Variants in C5orf47 observed in about 807,000 individuals in gnomAD.
The protein encoded by C5orf47 is uncharacterized protein C5orf47.
A neutral mutation model predicts 20.6 loss-of-function variants in C5orf47; 20 were observed. That is an observed-to-expected ratio of 0.97 (90% CI 0.68 to 1.41). C5orf47 has a LOEUF of 1.41. Ranked by LOEUF, C5orf47 falls within the 40% of genes most tolerant of loss-of-function variation. The pLI is 0.00. For synonymous variants in C5orf47, 106 were observed against 97.3 expected (o/e 1.09, Z -0.53); for missense variants, 262 against 238.4 (o/e 1.10, Z -0.65).
intron 2 of C5orf47, among the ~76,000 whole-genome samples, chr5:173,999,371 T>C (rs1759156069): frequency 6.6e-6 from 1 of 152,174 alleles, no homozygotes; most frequent in South Asian, 2.1e-4. Context: ...AAATTCACAA[T>C]TTTTTAAAAT....
chr5:173,995,262 C>T (rs576646423), intron 1 of C5orf47, among the ~76,000 whole-genome samples: 1 of 152,304 alleles, frequency 6.6e-6, no homozygotes, highest in East Asian at 1.9e-4. Flanking sequence ...GACAAGTAGT[C>T]TGCTCTCGAG....
Position 173,989,388 on chromosome 5 carries a change from G to A in C5orf47, c.125G>A (p.Gly42Asp). Residue 42 changes from glycine (G) to aspartate (D), a missense_variant, in exon 1 of 5, where the codon GGT (glycine) becomes GAT (aspartate). Physicochemically the swap from Gly to Asp is moderately conservative, Grantham distance 94. Transcript: ENST00000340147. ...LGGRGAQGLW[G>D]QGPGAGCRQE... ...GGCCGTGGAGCTCAAGGCCTTTGGG[G>A]TCAGGGGCCTGGGGCAGGCTGTCGC... 6.5e-7 allele frequency: 1 copy of A among 1,541,110 alleles called. No homozygotes were observed. The highest frequency in any genetic ancestry group is 8.8e-7 in the Non-Finnish European group (1 of 1,141,814).
chr5:173,998,041 C>A, intron 1 of C5orf47, 112 bp from the exon 2 acceptor site: 1 of 655,512 alleles, frequency 1.5e-6, no homozygotes, highest in Non-Finnish European at 2.7e-6. Context: ...AGAAATATAC[C>A]AACAAGTATA....
chr5:173,989,732 GA>G, intron 1 of C5orf47, 144 bp downstream of exon 1: 1 of 718,270 alleles, frequency 1.4e-6, no homozygotes, highest in South Asian at 3.1e-5. Context: ...GCGCAGGGGC[GA>G]AGGAGAAGCC....
intron 1 of C5orf47, among the ~76,000 whole-genome samples, chr5:173,989,826 G>GC (rs1011067100): frequency 1.3e-5 from 2 of 152,222 alleles, no homozygotes; most frequent in African/African-American, 2.4e-5. Flanking sequence ...AGCCTTTACG[G>GC]CCCCCTCACG....
intron 1 of C5orf47, among the ~76,000 whole-genome samples, chr5:173,996,140 T>G (rs533140231): frequency 3.3e-5 from 5 of 152,180 alleles, no homozygotes; most frequent in Non-Finnish European, 7.4e-5. Context: ...CCATGAGATT[T>G]ACACATGGGG....
downstream of C5orf47, among the ~76,000 whole-genome samples, chr5:174,006,544 T>C (rs1185939518): frequency 1.3e-5 from 2 of 152,306 alleles, no homozygotes; most frequent in Middle Eastern, 3.4e-3. Context: ...TATTTTTACA[T>C]CCAATATAAG....
intron 1 of C5orf47, among the ~76,000 whole-genome samples, chr5:173,993,457 A>C (rs1464047470): frequency 6.6e-6 from 1 of 152,210 alleles, no homozygotes; most frequent in East Asian, 1.9e-4. Context: ...CCTGGCCAAC[A>C]TGGTGAAACC....
intron 1 of C5orf47, among the ~76,000 whole-genome samples, chr5:173,994,874 T>C (rs1266059090): frequency 6.6e-6 from 1 of 152,156 alleles, no homozygotes; most frequent in East Asian, 1.9e-4. Flanking sequence ...AGTGCAGTGG[T>C]GTGATCTCGG....
At chr5:173,989,920 C>T (rs545824960) in intron 1 of C5orf47, among the ~76,000 whole-genome samples, 4 of 152,278 alleles carry the variant, frequency 2.6e-5, no homozygotes, top group Non-Finnish European at 1.5e-5. Flanking sequence ...GATTGACTTC[C>T]GGATGCTGTT....
At position 173,989,463 on chromosome 5, in the gene C5orf47, G is replaced by A. The variant is rs1758938758; in HGVS notation, c.200G>A (p.Ser67Asn). 1.3e-6 allele frequency: 2 copies of A among 1,549,600 alleles called. No individual in the cohort carries two copies. Among genetic ancestry groups the A allele is most frequent in the Non-Finnish European group, 1.7e-6 (2 of 1,146,166 alleles). ...AMAVAGVQGG[S>N]ELPLGSQLRV... ...GCGGTGGCGGGCGTTCAGGGTGGCA[G>A]CGAGCTGCCCCTCGGTTCCCAGCTC... The change falls in exon 1 of 5, where the codon AGC becomes AAC. Residue 67 changes from serine (S) to asparagine (N), a missense_variant. Coordinates refer to ENST00000340147, the MANE Select transcript of C5orf47 (RefSeq NM_001144954.2).
At chr5:174,009,264 A>G (rs757061160), downstream of C5orf47, among the ~76,000 whole-genome samples, 1 of 147,144 alleles carries the variant, frequency 6.8e-6, no homozygotes, top group Non-Finnish European at 1.5e-5. Context: ...AAATTAAGAA[A>G]ACGGAATGAT....
Position 173,989,477 on chromosome 5 carries a change from G to A in C5orf47, c.214G>A (p.Gly72Ser), listed in dbSNP as rs1232086317. 7 of 1,548,792 alleles carry A rather than the reference G, an allele frequency of 4.5e-6. No individual in the cohort carries two copies. The highest frequency in any genetic ancestry group is 1.2e-5 in the South Asian group (1 of 83,702). The change falls in exon 1 of 5, where the codon GGT (glycine) becomes AGT (serine). Residue 72 changes from glycine to serine, a missense_variant. Coordinates refer to ENST00000340147, the MANE Select transcript of C5orf47 (RefSeq NM_001144954.2). ...TCAGGGTGGCAGCGAGCTGCCCCTC[G>A]GTTCCCAGCTCAGGGTCCCCACGAC... ...GVQGGSELPL[G>S]SQLRVPTTPG... is the part of the protein sequence containing the mutation.
At chr5:173,993,475 T>C (rs1206061554) in intron 1 of C5orf47, among the ~76,000 whole-genome samples, 1 of 152,128 alleles carries the variant, frequency 6.6e-6, no homozygotes, top group Non-Finnish European at 1.5e-5. Flanking sequence ...ACCCCATCTT[T>C]GCCAAAAATA....
intron 1 of C5orf47, among the ~76,000 whole-genome samples, chr5:173,992,230 T>G (rs1179725793): frequency 2.8e-5 from 4 of 141,868 alleles, no homozygotes; most frequent in Non-Finnish European, 5.9e-5. Flanking sequence ...ACTATTTTGT[T>G]AATTTTTTTT....
At chr5:173,995,177 T>A (rs572882168) in intron 1 of C5orf47, among the ~76,000 whole-genome samples, 1 of 152,314 alleles carries the variant, frequency 6.6e-6, no homozygotes, top group South Asian at 2.1e-4. Context: ...AAAGATGAAT[T>A]TATTCATTCA....
downstream of C5orf47, among the ~76,000 whole-genome samples, chr5:174,006,534 T>C (rs1257533553): frequency 1.3e-5 from 2 of 152,174 alleles, no homozygotes; most frequent in East Asian, 3.8e-4. Flanking sequence ...AAATTCAGGG[T>C]ATTTTTACAT....
chr5:174,006,298 G>A (rs1581199867), downstream of C5orf47, among the ~76,000 whole-genome samples: 2 of 152,258 alleles, frequency 1.3e-5, no homozygotes, highest in East Asian at 1.9e-4. Context: ...TGCAACTTAC[G>A]GTTTGGGTTC....
At chr5:174,008,089 A>T (rs1421530888), downstream of C5orf47, among the ~76,000 whole-genome samples, 1 of 152,214 alleles carries the variant, frequency 6.6e-6, no homozygotes, top group Non-Finnish European at 1.5e-5. Flanking sequence ...AGATTTTAGG[A>T]GTCCAACGTA....
Sources: gnomAD v4.1 joint callset for allele counts (sites outside exome capture counted in the v4.1 genomes callset) on GRCh38, gnomAD v4.1.1 for gene constraint, MANE v1.5 for transcripts, NCBI Gene and HGNC (gene_info 2026-07-23, HGNC 2026-07-21) for gene names.